The following METTL15 variants were observed in gnomAD, a reference collection of about 807,000 sequenced individuals.
The protein encoded by METTL15 is methyltransferase 15, mitochondrial 12S rRNA N4-cytidine, also known as 12S rRNA N(4)-cytidine methyltransferase METTL15.
Under a neutral mutation model 38.3 loss-of-function variants are expected in METTL15, and 34 were observed. The ratio of observed to expected loss-of-function variants is 0.89; its 90% CI spans 0.68 to 1.18. The LOEUF (loss-of-function observed/expected upper bound fraction) is 1.18, where lower values mean the gene tolerates loss of function less well. METTL15 is among the 50% of genes most tolerant of loss of function. The probability of loss-of-function intolerance (pLI) is 0.00; values close to 1 mark genes in which losing one functional copy is unlikely to be tolerated. For synonymous variants in METTL15, 162 were observed against 170.9 expected, an observed-to-expected ratio of 0.95 and a Z score of 0.41; for missense variants, 438 against 498.4, an observed-to-expected ratio of 0.88 and a Z score of 1.15.
intron 5 of METTL15, among the ~76,000 whole-genome samples, chr11:28,365,880 T>G (rs1026242688): frequency 6.6e-6 from 1 of 152,008 alleles, no homozygotes; most frequent in Admixed American, 6.6e-5. Context: ...TGAAACCCCT[T>G]CTCTACTGAA....
chr11:28,234,342 A>G (rs1210119728), intron 4 of METTL15, among the ~76,000 whole-genome samples: 1 of 151,500 alleles, frequency 6.6e-6, no homozygotes, highest in African/African-American at 2.4e-5. Flanking sequence ...GCTGGCTCAA[A>G]TGGTATTTCT....
chr11:28,513,764 G>A (rs1435907701), intron 6 of METTL15, among the ~76,000 whole-genome samples: 1 of 152,234 alleles, frequency 6.6e-6, no homozygotes. Context: ...CTAGTTATCT[G>A]CAGTAGGAAC....
intron 3 of METTL15, 103 bp from the exon 4 acceptor site, chr11:28,210,959 T>A (rs943057290): frequency 9.9e-6 from 12 of 1,209,998 alleles, no homozygotes; most frequent in Non-Finnish European, 1.4e-5. Flanking sequence ...TCCTATTTAC[T>A]GTCAAGTCTG....
chr11:28,333,813 A>G (rs1849874918), downstream of METTL15, among the ~76,000 whole-genome samples: 1 of 151,904 alleles, frequency 6.6e-6, no homozygotes, highest in Admixed American at 6.6e-5. Flanking sequence ...GCAGTAGTTT[A>G]TAAGAGAATA....
At chr11:28,313,831 C>T (rs1048627832) in intron 6 of METTL15, among the ~76,000 whole-genome samples, 9 of 151,858 alleles carry the variant, frequency 5.9e-5, no homozygotes, top group African/African-American at 2.2e-4. Context: ...ATAATTTGGG[C>T]ATATTTAAGG....
At chr11:28,269,382 G>A (rs1296725077) in intron 4 of METTL15, among the ~76,000 whole-genome samples, 1 of 151,702 alleles carries the variant, frequency 6.6e-6, no homozygotes, top group Admixed American at 6.6e-5. Flanking sequence ...TCCTTAAAAT[G>A]TGTAATATAT....
At chr11:28,186,521 G>A (rs976196241) in intron 3 of METTL15, among the ~76,000 whole-genome samples, 6 of 151,022 alleles carry the variant, frequency 4.0e-5, no homozygotes, top group Non-Finnish European at 8.9e-5. Context: ...GATAAAAATA[G>A]TGTATTTCAC....
intron 4 of METTL15, among the ~76,000 whole-genome samples, chr11:28,288,655 C>T (rs12787721): frequency 0.12 from 18,054 of 151,876 alleles, 1,473 homozygotes; most frequent in Non-Finnish European, 0.18. Flanking sequence ...CACACTGGGG[C>T]CTACCAGAGT....
At chr11:28,375,675 G>A (rs1410396215) in intron 5 of METTL15, among the ~76,000 whole-genome samples, 3 of 151,784 alleles carry the variant, frequency 2.0e-5, no homozygotes, top group Non-Finnish European at 4.4e-5. Context: ...CTTCAGTTCT[G>A]CCCTGATTTT....
chr11:28,259,253 C>T (rs1855099177), intron 4 of METTL15, among the ~76,000 whole-genome samples: 1 of 151,982 alleles, frequency 6.6e-6, no homozygotes, highest in African/African-American at 2.4e-5. Context: ...TTCCAAGATG[C>T]AAGACAACGT....
intron 3 of METTL15, among the ~76,000 whole-genome samples, chr11:28,189,382 A>G (rs1017135844): frequency 4.0e-5 from 6 of 151,310 alleles, no homozygotes; most frequent in African/African-American, 1.4e-4. Context: ...ATAATAGATA[A>G]ATATAGGATT....
intron 6 of METTL15, among the ~76,000 whole-genome samples, chr11:28,480,510 T>C (rs1590389540): frequency 6.6e-6 from 1 of 152,368 alleles, no homozygotes; most frequent in East Asian, 1.9e-4. Context: ...TTTAACAATC[T>C]GCTCACCAAT....
chr11:28,413,181 T>A (rs1429188054), intron 5 of METTL15, among the ~76,000 whole-genome samples: 1 of 152,194 alleles, frequency 6.6e-6, no homozygotes, highest in East Asian at 1.9e-4. Flanking sequence ...TAATACCATT[T>A]ATATATGGGC....
At chr11:28,437,759 A>G (rs1162407507) in intron 6 of METTL15, among the ~76,000 whole-genome samples, 1 of 152,232 alleles carries the variant, frequency 6.6e-6, no homozygotes, top group Non-Finnish European at 1.5e-5. Flanking sequence ...CTGACACCCC[A>G]GCTAGATTGA....
At chr11:28,185,175 A>G (rs1289598905) in intron 3 of METTL15, among the ~76,000 whole-genome samples, 4 of 151,652 alleles carry the variant, frequency 2.6e-5, no homozygotes, top group Admixed American at 6.6e-5. Context: ...TATCTTTTCT[A>G]TATTTGTTTA....
chr11:28,511,785 A>G (rs1047424551), intron 6 of METTL15, among the ~76,000 whole-genome samples: 2 of 152,176 alleles, frequency 1.3e-5, no homozygotes, highest in Non-Finnish European at 2.9e-5. Flanking sequence ...TATTGCAAAG[A>G]GCGAAAGAAC....
chr11:28,212,147 T>G (rs1179181963), intron 4 of METTL15, among the ~76,000 whole-genome samples: 1 of 152,032 alleles, frequency 6.6e-6, no homozygotes, highest in East Asian at 1.9e-4. Context: ...ACAGCCTCTT[T>G]CTGGTCCCAA....
intron 6 of METTL15, among the ~76,000 whole-genome samples, chr11:28,318,662 C>T (rs1375987120): frequency 6.6e-6 from 1 of 152,150 alleles, no homozygotes; most frequent in African/African-American, 2.4e-5. Flanking sequence ...TTAGCCATCT[C>T]AGCCTTTTAT....
At chr11:28,270,176 A>G (rs1277100025) in intron 4 of METTL15, among the ~76,000 whole-genome samples, 2 of 152,184 alleles carry the variant, frequency 1.3e-5, no homozygotes, top group Non-Finnish European at 2.9e-5. Flanking sequence ...AAATTTTTAT[A>G]TAATTTTTAA....
Sources: allele counts gnomAD v4.1 joint callset (sites outside exome capture counted in the v4.1 genomes callset), GRCh38; gene constraint gnomAD v4.1.1; transcripts MANE v1.5; gene names NCBI Gene and HGNC (gene_info 2026-07-23, HGNC 2026-07-21).